The following POLQ variants were observed in gnomAD, a reference collection of about 807,000 sequenced individuals.
The protein encoded by POLQ is DNA polymerase theta, also known as epididymis secretory sperm binding protein.
In POLQ, 233 loss-of-function variants were observed where a neutral mutation model predicts 259.2. The observed-to-expected ratio is 0.90, with a 90% CI of 0.81 to 1.00. The LOEUF is 1.00. Ranked by LOEUF, POLQ falls within the 50% of genes least tolerant of loss-of-function variation. The pLI is 0.00. For synonymous variants in POLQ, 1,025 were observed against 1,048.8 expected (o/e 0.98, Z 0.44); for missense variants, 2,871 against 3,051.6 (o/e 0.94, Z 1.39).
chr3:121,464,884 T>C (rs539584753), intron 24 of POLQ, among the ~76,000 whole-genome samples: 1 of 152,322 alleles, frequency 6.6e-6, no homozygotes, highest in Non-Finnish European at 1.5e-5. Context: ...AGATAAAGGA[T>C]ACTTAACTTG....
chr3:121,524,973 G>GT (rs2048362383), intron 7 of POLQ, among the ~76,000 whole-genome samples: 1 of 147,038 alleles, frequency 6.8e-6, no homozygotes. Flanking sequence ...CACACACAGA[G>GT]TTGACTGTCA....
At chr3:121,468,992 C>T (rs1174551971) in intron 22 of POLQ, among the ~76,000 whole-genome samples, 1 of 151,910 alleles carries the variant, frequency 6.6e-6, no homozygotes, top group Non-Finnish European at 1.5e-5. Context: ...TGCTTATAAG[C>T]CTGGCCAACA....
Position 121,495,137 on chromosome 3 carries a change from G to A in POLQ, c.2279-1416C>T, listed in dbSNP as rs1004091434. On this transcript the variant is annotated intron_variant, in intron 14 of 29. Coordinates refer to ENST00000264233, the MANE Select transcript of POLQ (RefSeq NM_199420.4). ...AAATACAAAATTAGCCAGGCATGGCGGTGCATGCCTGTAATCCCAGTTCCT... is the reference window on the plus strand; with the variant it reads ...AAATACAAAATTAGCCAGGCATGGCAGTGCATGCCTGTAATCCCAGTTCCT... Among the ~76,000 whole-genome samples, 6 of 152,158 alleles carry A rather than the reference G, an allele frequency of 3.9e-5. No individual in the cohort carries two copies. In the East Asian group the frequency reaches 7.8e-4, roughly 20 times the overall value.
intron 7 of POLQ, 135 bp from the exon 8 acceptor site, chr3:121,522,284 C>CTGTTTTTTTTTTTT (rs2048342448): frequency 1.8e-5 from 1 of 56,038 alleles, no homozygotes; most frequent in East Asian, 6.9e-4. Flanking sequence ...CCCTGGAGAT[C>CTGTTTTTTTTTTTT]TTTTTTTTTT....
intron 28 of POLQ, among the ~76,000 whole-genome samples, chr3:121,433,506 T>C (rs889405246): frequency 1.3e-5 from 2 of 152,104 alleles, no homozygotes; most frequent in Non-Finnish European, 2.9e-5. Context: ...GCTTCCCCAA[T>C]TGAACCGTAC....
At chr3:121,513,400 G>T (rs1052265310) in intron 9 of POLQ, among the ~76,000 whole-genome samples, 22 of 149,818 alleles carry the variant, frequency 1.5e-4, no homozygotes, top group Admixed American at 1.1e-3. Flanking sequence ...TCAAGAGATG[G>T]AGACCAGCCT....
At chr3:121,529,281 A>G (rs1038374094) in intron 7 of POLQ, among the ~76,000 whole-genome samples, 2 of 152,236 alleles carry the variant, frequency 1.3e-5, no homozygotes, top group African/African-American at 4.8e-5. Context: ...CTTTGGAAAT[A>G]TAAAGAAAGA....
At chr3:121,541,523 T>A (rs767353554) in intron 2 of POLQ, 44 bp from the exon 3 acceptor site, 1 of 1,509,114 alleles carries the variant, frequency 6.6e-7, no homozygotes, top group African/African-American at 1.4e-5. Context: ...AAAAGTAATA[T>A]TCGGTACAAT....
Position 121,533,004 on chromosome 3 carries a change from T to C in POLQ, c.946A>G (p.Met316Val), listed in dbSNP as rs2048422294. The change falls in exon 6 of 30, where the codon ATG (methionine) becomes GTG (valine). Residue 316 changes from methionine (M) to valine (V), a missense_variant. Coordinates refer to ENST00000264233, the MANE Select transcript of POLQ (RefSeq NM_199420.4). ...SMKLVREFEP[M>V]LQVKGDEDHV... ...TATTGATTTACCTTCACTTGTAGCA[T>C]GGGCTCAAATTCCCTCACAAGTTTC... The C allele has an allele frequency of 5.6e-6, 9 of 1,605,634 alleles. No individual in the cohort carries two copies. Among genetic ancestry groups the C allele is most frequent in the South Asian group, 3.3e-5 (3 of 90,652 alleles).
chr3:121,534,617 G>A (rs1303444048), intron 5 of POLQ, among the ~76,000 whole-genome samples: 4 of 152,114 alleles, frequency 2.6e-5, no homozygotes, highest in African/African-American at 7.2e-5. Context: ...CACCATGCTT[G>A]GCCTTTTTTC....
At chr3:121,498,711 AT>A in intron 12 of POLQ, 41 bp from the exon 13 acceptor site, 1 of 1,399,670 alleles carries the variant, frequency 7.1e-7, no homozygotes, top group Non-Finnish European at 9.9e-7. Context: ...AAACTATTAT[AT>A]TACAAAAAAC....
At chr3:121,435,295 T>G (rs1337916358) in intron 28 of POLQ, among the ~76,000 whole-genome samples, 1 of 152,114 alleles carries the variant, frequency 6.6e-6, no homozygotes, top group Admixed American at 6.6e-5. Flanking sequence ...AAGAAATAAT[T>G]TATCCAAGCA....
chr3:121,541,709 A>G (rs924325109), intron 2 of POLQ, among the ~76,000 whole-genome samples: 1 of 152,216 alleles, frequency 6.6e-6, no homozygotes, highest in Non-Finnish European at 1.5e-5. Context: ...CAGCAATATG[A>G]TGAATACTAC....
intron 22 of POLQ, among the ~76,000 whole-genome samples, chr3:121,469,802 A>G (rs1247453882): frequency 1.3e-5 from 2 of 152,222 alleles, no homozygotes; most frequent in Non-Finnish European, 2.9e-5. Flanking sequence ...TGGCTTTGCT[A>G]TGCTTAAGTT....
intron 16 of POLQ, 48 bp downstream of exon 16, chr3:121,487,251 TCTA>T (rs2048019328): frequency 6.4e-6 from 6 of 942,684 alleles, no homozygotes; most frequent in East Asian, 5.3e-5. Context: ...CTTATCTCAG[TCTA>T]CTAAGTAGTT....
intron 9 of POLQ, among the ~76,000 whole-genome samples, chr3:121,512,594 C>T (rs922880037): frequency 1.3e-5 from 2 of 152,138 alleles, no homozygotes; most frequent in African/African-American, 4.8e-5. Context: ...TAAACAGTTT[C>T]TCAGGTCTTC....
At chr3:121,528,875 C>T (rs7638981) in intron 7 of POLQ, among the ~76,000 whole-genome samples, 2 of 151,884 alleles carry the variant, frequency 1.3e-5, no homozygotes, top group African/African-American at 2.4e-5. Flanking sequence ...TCACTTGAAC[C>T]CAGGAGGCAG....
intron 26 of POLQ, among the ~76,000 whole-genome samples, chr3:121,442,966 C>T (rs2047606031): frequency 6.6e-6 from 1 of 152,168 alleles, no homozygotes; most frequent in Non-Finnish European, 1.5e-5. Flanking sequence ...TCAAGCAATT[C>T]TCCTGCCTTA....
At chr3:121,469,295 T>C (rs902542836) in intron 22 of POLQ, among the ~76,000 whole-genome samples, 11 of 152,156 alleles carry the variant, frequency 7.2e-5, no homozygotes, top group Non-Finnish European at 2.9e-5. Context: ...ATGTTAAGTA[T>C]CACTCCAAAA....
Sources: allele counts gnomAD v4.1 joint callset (sites outside exome capture counted in the v4.1 genomes callset), GRCh38; gene constraint gnomAD v4.1.1; transcripts MANE v1.5; gene names NCBI Gene and HGNC (gene_info 2026-07-23, HGNC 2026-07-21).